The following DAZL variants were observed in gnomAD, a reference collection of about 807,000 sequenced individuals.
The protein encoded by DAZL is deleted in azoospermia-like.
Under a neutral mutation model 45.0 loss-of-function variants are expected in DAZL, and 4 were observed. The ratio of observed to expected loss-of-function variants is 0.09; its 90% CI spans 0.04 to 0.20. DAZL has a LOEUF of 0.20. DAZL is among the 10% of genes least tolerant of loss of function. The pLI, the probability that DAZL is intolerant of heterozygous loss-of-function variation, is 1.00. For missense variants in DAZL, 326 were observed against 351.3 expected (o/e 0.93, Z 0.58); for synonymous variants, 122 against 112.4 (o/e 1.09, Z -0.54).
rs374736108 is a variant in DAZL at position 16,598,662 on chromosome 3, T to A, written c.4-64A>T. On this transcript the variant is annotated intron_variant, in intron 1 of 10. Coordinates refer to ENST00000399444, the MANE Select transcript of DAZL (RefSeq NM_001351.4). The stretch of plus-strand genomic sequence containing the variant: ...GGAAAAACCTATACATAATGTGAAA[T>A]ATAATTTTTGTATTTTAAGTATAAA... 5.8e-5 allele frequency: 86 copies of A among 1,491,060 alleles called. 2 individuals carry two copies. In the South Asian group the frequency reaches 1.0e-3, roughly 18 times the overall value. 92.4% of individuals were successfully genotyped at this position (1,491,060 alleles called of 1,614,324 possible).
At chr3:16,604,365 G>GT in intron 1 of DAZL, 1 of 1,315,208 alleles carries the variant, frequency 7.6e-7, no homozygotes, top group Non-Finnish European at 1.0e-6. Context: ...AAGGATCCTG[G>GT]TTTATCGAGA....
At position 16,588,317 on chromosome 3, in the gene DAZL, T is replaced by C; in HGVS notation, c.*343A>G. 1 of 311,364 alleles carries C rather than the reference T, an allele frequency of 3.2e-6. No homozygotes were observed. The highest frequency in any genetic ancestry group is 3.2e-5 in the South Asian group (1 of 31,188). The allele number at this position is 311,364 out of a possible 1,614,324, so 19.3% of individuals were successfully genotyped here. ...ATGTTTGTATTCAGACCAACAAAAT[T>C]CTGACCTTTCAAAATAGGTTTTTAA... is the stretch of plus-strand genomic sequence containing the variant. On this transcript the variant is annotated 3_prime_UTR_variant, in exon 11 of 11. Coordinates refer to ENST00000399444, the MANE Select transcript of DAZL (RefSeq NM_001351.4).
At chr3:16,589,089 C>T (rs1234935208) in intron 10 of DAZL, among the ~76,000 whole-genome samples, 1 of 152,092 alleles carries the variant, frequency 6.6e-6, no homozygotes, top group African/African-American at 2.4e-5. Context: ...GACTGAACTG[C>T]ATCTAATAGG....
chr3:16,604,924 A>C (rs954360291), intron 1 of DAZL: 2 of 669,938 alleles, frequency 3.0e-6, no homozygotes, highest in African/African-American at 3.6e-5. Flanking sequence ...TGCCTCAAGA[A>C]GGCCGTGGCC....
At chr3:16,597,623 A>T (rs1188683508) in intron 3 of DAZL, 82 bp from the exon 4 acceptor site, 2 of 853,062 alleles carry the variant, frequency 2.3e-6, no homozygotes, top group African/African-American at 3.3e-5. Context: ...GGAAGTGATC[A>T]TGACTAAAAT....
At chr3:16,603,849 C>T (rs1343494635) in intron 1 of DAZL, among the ~76,000 whole-genome samples, 1 of 152,114 alleles carries the variant, frequency 6.6e-6, no homozygotes, top group Non-Finnish European at 1.5e-5. Context: ...GCAATACATG[C>T]ATAAAAATAA....
rs751620929 is a variant in DAZL, at chr3:16,598,506, T to A, written c.96A>T (p.Leu32Phe). The change falls in exon 2 of 11, where the codon TTA becomes TTT. Residue 32 changes from leucine (L) to phenylalanine (F), a missense_variant. By Grantham distance (22) the Leu-to-Phe change is conservative (BLOSUM62 0). This residue lies in a region of DAZL where 81 missense variants were observed against 89.6 expected (regional missense o/e 0.90). Coordinates refer to ENST00000399444, the MANE Select transcript of DAZL (RefSeq NM_001351.4). ...SSAATSQGYI[L>F]PEGKIMPNTV... ...TGTTTGGCATGATTTTGCCTTCTGG[T>A]AAAATATAGCCTTGGCTGGTTGCAG... 1 of 1,609,050 alleles carries A rather than the reference T, an allele frequency of 6.2e-7. No homozygotes were observed. Among genetic ancestry groups the A allele is most frequent in the South Asian group, 1.1e-5 (1 of 91,064 alleles).
chr3:16,602,455 G>A (rs1575420572), intron 1 of DAZL, among the ~76,000 whole-genome samples: 1 of 152,064 alleles, frequency 6.6e-6, no homozygotes, highest in East Asian at 1.9e-4. Flanking sequence ...TCAGACACCA[G>A]AAATAAAGAC....
chr3:16,591,979 C>A (rs759912167), intron 10 of DAZL, 71 bp downstream of exon 10: 2 of 1,519,284 alleles, frequency 1.3e-6, no homozygotes, highest in Non-Finnish European at 1.8e-6. Context: ...AATACATATA[C>A]CACAAGGAAA....
intron 1 of DAZL, among the ~76,000 whole-genome samples, chr3:16,604,031 TAATA>T (rs1226549150): frequency 1.1e-4 from 16 of 152,172 alleles, no homozygotes; most frequent in African/African-American, 2.2e-4. Flanking sequence ...AAAAGTGTTA[TAATA>T]AATAATTACT....
chr3:16,603,315 G>C (rs1407991804), intron 1 of DAZL, among the ~76,000 whole-genome samples: 1 of 151,958 alleles, frequency 6.6e-6, no homozygotes, highest in Non-Finnish European at 1.5e-5. Flanking sequence ...AATAATACAA[G>C]CATGCCAAGA....
In DAZL at chr3:16,591,722, C is replaced by T. The variant is rs541865040; in HGVS notation, c.834+328G>A. ...GTGCTGGGATTACAGGCGTGAGCCA[C>T]TGCACCCAGCCAAGATCTGCTTTCT... On this transcript the variant is annotated intron_variant, in intron 10 of 10. Transcript: ENST00000399444. Among the ~76,000 whole-genome samples the T allele has an allele frequency of 7.2e-5, 11 of 152,364 alleles. No individual in the cohort carries two copies. In the South Asian group the frequency reaches 2.3e-3, roughly 32 times the overall value.
At chr3:16,599,146 G>C (rs746228504) in intron 1 of DAZL, among the ~76,000 whole-genome samples, 30 of 151,364 alleles carry the variant, frequency 2.0e-4, no homozygotes, top group Non-Finnish European at 4.1e-4. Flanking sequence ...TGCTGTGGAA[G>C]AATACTTAGT....
intron 1 of DAZL, among the ~76,000 whole-genome samples, chr3:16,600,142 A>C (rs1165334186): frequency 3.3e-5 from 5 of 152,226 alleles, no homozygotes; most frequent in Middle Eastern, 3.2e-3. Flanking sequence ...TGTTGACTAC[A>C]AAAGGTAACT....
intron 7 of DAZL, 86 bp from the exon 8 acceptor site, chr3:16,594,669 C>G: frequency 1.2e-6 from 1 of 817,312 alleles, no homozygotes; most frequent in Non-Finnish European, 1.9e-6. Flanking sequence ...TATTGAAGTA[C>G]TTATCATGCT....
At chr3:16,602,591 G>A (rs575786840) in intron 1 of DAZL, among the ~76,000 whole-genome samples, 1 of 152,234 alleles carries the variant, frequency 6.6e-6, no homozygotes, top group South Asian at 2.1e-4. Flanking sequence ...TCATCAAGAT[G>A]AGCCATCCCT....
intron 4 of DAZL, 93 bp downstream of exon 4, chr3:16,597,397 C>T (rs968728413): frequency 1.4e-5 from 13 of 915,848 alleles, no homozygotes; most frequent in Middle Eastern, 2.2e-4. Flanking sequence ...GAAAGTGTAT[C>T]GTCTTCCAAA....
intron 1 of DAZL, among the ~76,000 whole-genome samples, chr3:16,602,180 A>G (rs1015155244): frequency 1.3e-5 from 2 of 152,198 alleles, no homozygotes; most frequent in African/African-American, 4.8e-5. Flanking sequence ...AAGCAAGAAA[A>G]GGCAAGAAAG....
At chr3:16,601,373 T>A (rs767535495) in intron 1 of DAZL, among the ~76,000 whole-genome samples, 12 of 152,182 alleles carry the variant, frequency 7.9e-5, no homozygotes, top group Admixed American at 2.6e-4. Flanking sequence ...ATTCATAGGA[T>A]CACTTTAATA....
Sources: gnomAD v4.1 joint callset for allele counts (sites outside exome capture counted in the v4.1 genomes callset) on GRCh38, gnomAD v4.1.1 for gene constraint, gnomAD v4.1.1 regional missense constraint, MANE v1.5 for transcripts, NCBI Gene and HGNC (gene_info 2026-07-23, HGNC 2026-07-21) for gene names.